Variants in SGCZ observed in about 807,000 individuals in gnomAD.
The protein encoded by SGCZ is sarcoglycan zeta, also known as zeta-sarcoglycan.
SGCZ carries 40 observed loss-of-function variants against 41.3 expected under a neutral mutation model. The ratio of observed to expected loss-of-function variants is 0.97; its 90% CI spans 0.75 to 1.26. The LOEUF is 1.26. Ranked by LOEUF, SGCZ falls within the 50% of genes most tolerant of loss-of-function variation. SGCZ has a pLI of 0.00. For missense variants in SGCZ, 552 were observed against 369.8 expected, an observed-to-expected ratio of 1.49 and a Z score of -4.04; for synonymous variants, 206 against 137.5, an observed-to-expected ratio of 1.50 and a Z score of -3.49.
At chr8:14,944,901 A>G (rs974459732) in intron 1 of SGCZ, among the ~76,000 whole-genome samples, 9 of 152,180 alleles carry the variant, frequency 5.9e-5, no homozygotes, top group Admixed American at 3.9e-4. Flanking sequence ...TCTCCACATT[A>G]TAACACTTCA....
intron 4 of SGCZ, among the ~76,000 whole-genome samples, chr8:14,223,506 T>C (rs1806272875): frequency 6.6e-6 from 1 of 151,978 alleles, no homozygotes; most frequent in Non-Finnish European, 1.5e-5. Context: ...CTCATTTTTA[T>C]ATTCATCTAA....
intron 2 of SGCZ, among the ~76,000 whole-genome samples, chr8:14,359,034 A>C (rs1325563332): frequency 1.3e-5 from 2 of 152,080 alleles, no homozygotes; most frequent in African/African-American, 4.8e-5. Flanking sequence ...TTTAATTAGG[A>C]TTTTTCTTCC....
At chr8:14,579,365 T>C (rs1421758909) in intron 1 of SGCZ, among the ~76,000 whole-genome samples, 1 of 152,234 alleles carries the variant, frequency 6.6e-6, no homozygotes. Flanking sequence ...GAAATGCATG[T>C]TCTCATTCTT....
At position 14,640,428 on chromosome 8, in the gene SGCZ, G is replaced by T. The variant is rs1265641064; in HGVS notation, c.40-85502C>A. On this transcript the variant is annotated intron_variant, in intron 1 of 7. Coordinates refer to ENST00000382080, the MANE Select transcript of SGCZ (RefSeq NM_139167.4). ...GTCTACTCTCAGTCTAAAGATTATTGTTTTGTAAGCAATCGGTCCTTTTCT... is the reference window on the plus strand; with the variant it reads ...GTCTACTCTCAGTCTAAAGATTATTTTTTTGTAAGCAATCGGTCCTTTTCT... 2.0e-5 allele frequency among the ~76,000 whole-genome samples: 3 copies of T among 151,586 alleles called. No individual in the cohort carries two copies. The East Asian group carries it at 5.8e-4, about 29-fold the overall frequency.
intron 1 of SGCZ, among the ~76,000 whole-genome samples, chr8:14,833,519 C>T (rs950861103): frequency 1.3e-5 from 2 of 152,136 alleles, no homozygotes; most frequent in African/African-American, 4.8e-5. Flanking sequence ...AACTGACATC[C>T]TTGCCTAGGC....
At chr8:14,180,229 T>C (rs1426233219) in intron 4 of SGCZ, among the ~76,000 whole-genome samples, 1 of 152,124 alleles carries the variant, frequency 6.6e-6, no homozygotes, top group Non-Finnish European at 1.5e-5. Flanking sequence ...GTTGAAGGCC[T>C]CCTAGCCAAG....
At position 14,119,041 on chromosome 8, in the gene SGCZ, G is replaced by A. The variant is rs535678849; in HGVS notation, c.548-10806C>T. Among the ~76,000 whole-genome samples, 12 of 152,198 alleles carry A rather than the reference G, an allele frequency of 7.9e-5. 1 individual carries two copies. The highest frequency in any genetic ancestry group is 2.6e-4 in the Admixed American group (4 of 15,290). ...TTTTACTTAGGATTGTCTTGGCTAC[G>A]TGGGCTCTTTTTTGGTTCCATATGA... On this transcript the variant is annotated intron_variant, in intron 5 of 7. Transcript: ENST00000382080.
intron 1 of SGCZ, among the ~76,000 whole-genome samples, chr8:14,619,783 A>G (rs12679071): frequency 0.27 from 41,055 of 152,026 alleles, 5,605 homozygotes; most frequent in Non-Finnish European, 0.28. Flanking sequence ...GCTCAACGAA[A>G]TAAAAGAGGA....
chr8:14,151,980 A>T (rs1158813174), intron 5 of SGCZ, among the ~76,000 whole-genome samples: 1 of 152,122 alleles, frequency 6.6e-6, no homozygotes, highest in Non-Finnish European at 1.5e-5. Context: ...AAAACTATAA[A>T]AATTTAGGGA....
chr8:14,246,172 C>A (rs902027298), intron 3 of SGCZ, among the ~76,000 whole-genome samples: 2 of 152,078 alleles, frequency 1.3e-5, no homozygotes, highest in African/African-American at 2.4e-5. Flanking sequence ...GCTGTATTCA[C>A]AATAGCAAAG....
chr8:14,597,305 C>G (rs868307627), intron 1 of SGCZ, among the ~76,000 whole-genome samples: 5 of 152,002 alleles, frequency 3.3e-5, no homozygotes, highest in Non-Finnish European at 4.4e-5. Context: ...GGAGGGCATA[C>G]AAAAGTCAAG....
intron 1 of SGCZ, among the ~76,000 whole-genome samples, chr8:14,840,853 A>G (rs957814208): frequency 1.1e-4 from 16 of 152,120 alleles, no homozygotes; most frequent in African/African-American, 3.6e-4. Flanking sequence ...TCATTGATGT[A>G]TAACTTTTGT....
At chr8:14,389,347 A>G (rs982195284) in intron 2 of SGCZ, among the ~76,000 whole-genome samples, 2 of 151,880 alleles carry the variant, frequency 1.3e-5, no homozygotes, top group South Asian at 2.1e-4. Flanking sequence ...AAAGAAAAAT[A>G]TAAGTACTCA....
chr8:14,667,277 C>T (rs551826523), intron 1 of SGCZ, among the ~76,000 whole-genome samples: 10 of 152,180 alleles, frequency 6.6e-5, no homozygotes, highest in Non-Finnish European at 1.0e-4. Flanking sequence ...AAACCTATTA[C>T]ACTAACTTAG....
chr8:14,509,782 T>A (rs1038779378), intron 2 of SGCZ, among the ~76,000 whole-genome samples: 1 of 152,090 alleles, frequency 6.6e-6, no homozygotes, highest in African/African-American at 2.4e-5. Context: ...CTCGGGAGAC[T>A]TACAATCATG....
At chr8:14,747,218 T>C (rs914682495) in intron 1 of SGCZ, among the ~76,000 whole-genome samples, 33 of 152,232 alleles carry the variant, frequency 2.2e-4, no homozygotes, top group Non-Finnish European at 3.5e-4. Flanking sequence ...CACAGACACC[T>C]GACCACAGTC....
intron 3 of SGCZ, among the ~76,000 whole-genome samples, chr8:14,274,521 A>C (rs892449315): frequency 6.6e-6 from 1 of 152,164 alleles, no homozygotes; most frequent in African/African-American, 2.4e-5. Flanking sequence ...CTGTGTGCTA[A>C]CACTATATTT....
intron 1 of SGCZ, among the ~76,000 whole-genome samples, chr8:15,236,732 G>T (rs1802137852): frequency 1.3e-5 from 2 of 152,150 alleles, no homozygotes. Flanking sequence ...AGAGGGGCGC[G>T]TTGTCACCCC....
intron 1 of SGCZ, among the ~76,000 whole-genome samples, chr8:15,193,803 T>G (rs939977344): frequency 8.5e-5 from 13 of 152,172 alleles, no homozygotes; most frequent in Non-Finnish European, 1.6e-4. Flanking sequence ...CTTTACGTAA[T>G]CAATAATTTA....
Sources: gnomAD v4.1 joint callset for allele counts (sites outside exome capture counted in the v4.1 genomes callset) on GRCh38, gnomAD v4.1.1 for gene constraint, MANE v1.5 for transcripts, NCBI Gene and HGNC (gene_info 2026-07-23, HGNC 2026-07-21) for gene names.